Variants in NAV3 observed in about 807,000 individuals in gnomAD.
NAV3 encodes the protein pore membrane and/or filament interacting like protein 1.
NAV3 carries 87 observed loss-of-function variants against 244.7 expected under a neutral mutation model. The ratio of observed to expected loss-of-function variants is 0.36; its 90% CI spans 0.30 to 0.42. NAV3 has a LOEUF of 0.42. Ranked by LOEUF, NAV3 falls within the 20% of genes least tolerant of loss-of-function variation. The pLI is 1.00. For missense variants in NAV3, 2,663 were observed against 2,893.3 expected, an observed-to-expected ratio of 0.92 and a Z score of 1.83; for synonymous variants, 1,126 against 1,042.2, an observed-to-expected ratio of 1.08 and a Z score of -1.55.
At chr12:77,800,672 T>G (rs1474864828) in intron 2 of NAV3, among the ~76,000 whole-genome samples, 1 of 152,172 alleles carries the variant, frequency 6.6e-6, no homozygotes, top group East Asian at 1.9e-4. Context: ...TACGACACAC[T>G]GGAATCTGTA....
At chr12:78,053,397 T>C (rs1883049560) in intron 11 of NAV3, among the ~76,000 whole-genome samples, 1 of 152,104 alleles carries the variant, frequency 6.6e-6, no homozygotes, top group African/African-American at 2.4e-5. Flanking sequence ...AGGTTTTGGT[T>C]CCTGTGAGCA....
At chr12:77,705,077 A>G (rs1875733813) in intron 2 of NAV3, among the ~76,000 whole-genome samples, 1 of 152,200 alleles carries the variant, frequency 6.6e-6, no homozygotes. Context: ...ACATTCATGT[A>G]TTGTATTAAT....
intron 2 of NAV3, among the ~76,000 whole-genome samples, chr12:77,817,954 A>C (rs1353347545): frequency 6.6e-6 from 1 of 152,172 alleles, no homozygotes; most frequent in Non-Finnish European, 1.5e-5. Flanking sequence ...TGATTTTGCC[A>C]CTAGTTACTT....
chr12:78,097,370 A>C (rs1186126789), intron 12 of NAV3, among the ~76,000 whole-genome samples: 1 of 152,156 alleles, frequency 6.6e-6, no homozygotes, highest in East Asian at 1.9e-4. Flanking sequence ...GCCATTTTGA[A>C]AGCATGCCAG....
intron 23 of NAV3, among the ~76,000 whole-genome samples, chr12:78,166,819 T>C (rs1186880376): frequency 2.6e-5 from 4 of 151,756 alleles, no homozygotes; most frequent in Non-Finnish European, 4.4e-5. Flanking sequence ...AAAGCTAAGC[T>C]TAATTTTTTG....
intron 12 of NAV3, among the ~76,000 whole-genome samples, chr12:78,105,669 T>A (rs1954764330): frequency 2.0e-5 from 3 of 151,880 alleles, no homozygotes; most frequent in East Asian, 1.9e-4. Context: ...TTTAGCAAAC[T>A]TTTTCTGCAT....
chr12:78,004,136 T>G (rs983185888), intron 7 of NAV3, among the ~76,000 whole-genome samples: 1 of 152,242 alleles, frequency 6.6e-6, no homozygotes, highest in African/African-American at 2.4e-5. Flanking sequence ...TTTTGCCATA[T>G]GTATGATTGA....
At chr12:78,054,638 A>G (rs568131130) in intron 11 of NAV3, among the ~76,000 whole-genome samples, 2 of 152,152 alleles carry the variant, frequency 1.3e-5, no homozygotes, top group Non-Finnish European at 2.9e-5. Context: ...TGTAGGGATA[A>G]AATTAGGAAA....
chr12:77,606,909 A>T (rs1870694369), intron 2 of NAV3, among the ~76,000 whole-genome samples: 1 of 152,108 alleles, frequency 6.6e-6, no homozygotes. Flanking sequence ...CTTGAACATT[A>T]GTGGTCAAGG....
At position 77,584,422 on chromosome 12, in the gene NAV3, CA is replaced by C. The variant is rs35237415; in HGVS notation, c.72+12166del. On this transcript the variant is annotated intron_variant, in intron 2 of 8. Transcript: ENST00000550042. ...CCAAAGCAGCTCTCACATAGTATAC[CA>C]AAAAAAAAATTTTTTTTTTAATGAA... 4.1e-4 allele frequency among the ~76,000 whole-genome samples: 61 copies of C among 150,190 alleles called. 1 individual carries two copies. The highest frequency in any genetic ancestry group is 2.8e-3 in the Admixed American group (43 of 15,114).
At chr12:77,605,064 T>C (rs1206185123) in intron 2 of NAV3, among the ~76,000 whole-genome samples, 2 of 152,142 alleles carry the variant, frequency 1.3e-5, no homozygotes, top group African/African-American at 4.8e-5. Context: ...GAAAAGGGGC[T>C]ATATCTTGAT....
chr12:77,905,020 T>C (rs1249522026), intron 1 of NAV3, among the ~76,000 whole-genome samples: 1 of 152,156 alleles, frequency 6.6e-6, no homozygotes, highest in Non-Finnish European at 1.5e-5. Flanking sequence ...GTTATTCTCA[T>C]ATTTAATGCT....
chr12:78,206,069 G>A (rs1960271161), intron 39 of NAV3, among the ~76,000 whole-genome samples: 1 of 151,976 alleles, frequency 6.6e-6, no homozygotes, highest in Non-Finnish European at 1.5e-5. Flanking sequence ...AGTTTCTTGT[G>A]GAAAACCTGA....
chr12:77,850,809 C>G (rs139320954), intron 1 of NAV3, among the ~76,000 whole-genome samples: 234 of 152,256 alleles, frequency 1.5e-3, no homozygotes, highest in Non-Finnish European at 2.7e-3. Flanking sequence ...TCTTGCTACT[C>G]TTTGGGTCCT....
At chr12:78,081,349 C>T (rs1953341951) in intron 12 of NAV3, among the ~76,000 whole-genome samples, 1 of 152,204 alleles carries the variant, frequency 6.6e-6, no homozygotes, top group East Asian at 1.9e-4. Flanking sequence ...AGTTCAGTAC[C>T]GTAAAGCTCA....
chr12:78,210,312 T>G, intron 39 of NAV3, 86 bp from the exon 40 acceptor site: 1 of 1,575,980 alleles, frequency 6.3e-7, no homozygotes, highest in Non-Finnish European at 8.6e-7. Flanking sequence ...AAGATAGCTC[T>G]TCGGTGTGGC....
At chr12:77,794,991 C>T (rs1871342448) in intron 2 of NAV3, among the ~76,000 whole-genome samples, 1 of 152,094 alleles carries the variant, frequency 6.6e-6, no homozygotes, top group Admixed American at 6.6e-5. Context: ...CCAGTGGCCT[C>T]TAAGTGTTCA....
intron 2 of NAV3, among the ~76,000 whole-genome samples, chr12:77,739,323 A>G (rs566767557): frequency 1.1e-3 from 170 of 152,350 alleles, no homozygotes; most frequent in Non-Finnish European, 2.2e-3. Context: ...GCTTTAAAAA[A>G]GATAGTATAT....
chr12:77,931,843 G>A (rs1219367857), intron 1 of NAV3, among the ~76,000 whole-genome samples: 1 of 151,894 alleles, frequency 6.6e-6, no homozygotes, highest in Non-Finnish European at 1.5e-5. Flanking sequence ...CGCCAGCCTG[G>A]GTGACAGAGC....
Sources: gnomAD v4.1 joint callset for allele counts (sites outside exome capture counted in the v4.1 genomes callset) on GRCh38, gnomAD v4.1.1 for gene constraint, MANE v1.5 for transcripts, NCBI Gene and HGNC (gene_info 2026-07-23, HGNC 2026-07-21) for gene names.